Variants in ZNF609 observed in about 807,000 individuals in gnomAD.
The protein encoded by ZNF609 is zinc finger protein 609.
A neutral mutation model predicts 109.5 loss-of-function variants in ZNF609; 11 were observed. The observed-to-expected ratio is 0.10, with a 90% CI of 0.06 to 0.17. The LOEUF is 0.17. Ranked by LOEUF, ZNF609 falls within the 10% of genes least tolerant of loss-of-function variation. The pLI is 1.00. For missense variants in ZNF609, 1,559 were observed against 1,772.4 expected (o/e 0.88, Z 2.16); for synonymous variants, 646 against 662.0 (o/e 0.98, Z 0.37).
chr15:64,576,993 C>A lies in ZNF609; in HGVS notation c.748-45834C>A, dbSNP rs1384470007. Among the ~76,000 whole-genome samples, 4 of 129,642 alleles carry A rather than the reference C, an allele frequency of 3.1e-5. 1 individual carries two copies. Among genetic ancestry groups the A allele is most frequent in the Admixed American group, 2.4e-4 (3 of 12,294 alleles). 85.1% of individuals were successfully genotyped at this position (129,642 alleles called of 152,430 possible). ...ATAAATATATATATGTATGTATACA[C>A]ATAAATATATATATGTATGTATACA... On this transcript the variant is annotated intron_variant, in intron 2 of 9. Transcript: ENST00000326648.
chr15:64,528,667 T>A, intron 2 of ZNF609: 1 of 1,135,750 alleles, frequency 8.8e-7, no homozygotes, highest in Non-Finnish European at 1.3e-6. Context: ...TCCAGGGGTC[T>A]TACTCCTTGG....
intron 2 of ZNF609, among the ~76,000 whole-genome samples, chr15:64,615,686 C>T (rs1408255221): frequency 6.6e-6 from 1 of 151,798 alleles, no homozygotes; most frequent in African/African-American, 2.4e-5. Context: ...GGGGTTTTGC[C>T]GTGTTGGTCA....
Position 64,678,431 on chromosome 15 carries a change from A to T in ZNF609, c.3718A>T (p.Asn1240Tyr). Residue 1240 changes from asparagine (N) to tyrosine (Y), a missense_variant, in exon 6 of 10, where the codon AAC becomes TAC. Asn to Tyr is a moderately radical substitution (Grantham distance 143). Coordinates refer to ENST00000326648, the MANE Select transcript of ZNF609 (RefSeq NM_015042.2). ...GYSYSQSYDP[N>Y]HPSYRSMPAV... ...TTCCTACAGTCAGTCCTACGACCCC[A>T]ACCACCCCAGCTACCGGAGCATGCC... is the stretch of plus-strand genomic sequence containing the variant. 2 of 1,609,364 alleles carry T rather than the reference A, an allele frequency of 1.2e-6. No homozygotes were observed. The highest frequency in any genetic ancestry group is 1.7e-6 in the Non-Finnish European group (2 of 1,177,400).
rs559159546 is a variant in ZNF609, at chr15:64,565,904, A to G, written c.748-56923A>G. On this transcript the variant is annotated intron_variant, in intron 2 of 9. Transcript: ENST00000326648. The stretch of plus-strand genomic sequence containing the variant: ...CGTTCTGTCACCCAGGCTAGAGTGC[A>G]GTGATACAGTAATGGCTCACTGGAG... Among the ~76,000 whole-genome samples the G allele has an allele frequency of 2.2e-3, 338 of 152,234 alleles. 2 individuals carry two copies. The highest frequency in any genetic ancestry group is 7.7e-3 in the African/African-American group (320 of 41,556).
chr15:64,584,230 G>A (rs1284658506), intron 2 of ZNF609, among the ~76,000 whole-genome samples: 2 of 152,200 alleles, frequency 1.3e-5, no homozygotes, highest in Non-Finnish European at 2.9e-5. Flanking sequence ...GGCCGAGGCA[G>A]GTGGATTGTT....
intron 2 of ZNF609, among the ~76,000 whole-genome samples, chr15:64,541,291 G>T (rs1384382385): frequency 6.6e-6 from 1 of 150,432 alleles, no homozygotes; most frequent in Non-Finnish European, 1.5e-5. Flanking sequence ...GCCGGGCGTG[G>T]TGTCGGGCGC....
intron 2 of ZNF609, among the ~76,000 whole-genome samples, chr15:64,603,586 T>G (rs1324113270): frequency 6.6e-5 from 10 of 151,936 alleles, no homozygotes. Flanking sequence ...CCTTTCTTTA[T>G]CATGACAAGT....
chr15:64,614,803 C>T (rs7171813), intron 2 of ZNF609, among the ~76,000 whole-genome samples: 5,277 of 125,324 alleles, frequency 0.042, 434 homozygotes, highest in African/African-American at 0.15. Context: ...GTAAAGATAA[C>T]ATCTCGCTTT....
intron 2 of ZNF609, among the ~76,000 whole-genome samples, chr15:64,554,332 C>A (rs1026871426): frequency 6.6e-6 from 1 of 152,074 alleles, no homozygotes; most frequent in Non-Finnish European, 1.5e-5. Context: ...CAGATAAATA[C>A]ATATACTTTT....
chr15:64,527,592 T>C (rs1326831057), intron 2 of ZNF609, among the ~76,000 whole-genome samples: 2 of 152,200 alleles, frequency 1.3e-5, no homozygotes, highest in African/African-American at 4.8e-5. Context: ...CCTTGCTTAG[T>C]TGTCCCAAAT....
intron 1 of ZNF609, among the ~76,000 whole-genome samples, chr15:64,474,452 A>G (rs1278406849): frequency 3.3e-5 from 5 of 151,920 alleles, no homozygotes; most frequent in Admixed American, 3.3e-4. Flanking sequence ...ACCTCAGGTG[A>G]TCCGCCTGCC....
intron 2 of ZNF609, among the ~76,000 whole-genome samples, chr15:64,545,398 C>T (rs1013657767): frequency 3.9e-5 from 6 of 152,220 alleles, no homozygotes; most frequent in African/African-American, 1.4e-4. Context: ...GGGGTTTCAC[C>T]GTGTTGCCCA....
chr15:64,472,386 C>G (rs1038558879), intron 1 of ZNF609, among the ~76,000 whole-genome samples: 64 of 152,168 alleles, frequency 4.2e-4, no homozygotes, highest in African/African-American at 1.5e-3. Context: ...ATGCTGGTAC[C>G]TATAGTTTCT....
chr15:64,503,337 A>C (rs1270585375), intron 2 of ZNF609, among the ~76,000 whole-genome samples: 1 of 152,086 alleles, frequency 6.6e-6, no homozygotes, highest in Non-Finnish European at 1.5e-5. Context: ...AGCTGAAGAG[A>C]TGGGGGAGGG....
chr15:64,521,159 C>T (rs1452546985), intron 2 of ZNF609, among the ~76,000 whole-genome samples: 1 of 152,138 alleles, frequency 6.6e-6, no homozygotes. Context: ...AACCCACGTC[C>T]ATGTCTTAAG....
At chr15:64,469,705 T>C (rs1893067901) in intron 1 of ZNF609, among the ~76,000 whole-genome samples, 1 of 152,040 alleles carries the variant, frequency 6.6e-6, no homozygotes, top group African/African-American at 2.4e-5. Flanking sequence ...TCTAGTGTGC[T>C]TAAAACATAG....
intron 1 of ZNF609, among the ~76,000 whole-genome samples, chr15:64,463,338 G>A (rs1330052331): frequency 6.6e-6 from 1 of 151,786 alleles, no homozygotes; most frequent in Non-Finnish European, 1.5e-5. Context: ...GGTTGAGGCT[G>A]CAGTGAGCTG....
chr15:64,678,202 G>A lies in ZNF609; in HGVS notation c.3489G>A (p.Arg1163=). 6.2e-7 allele frequency: 1 copy of A among 1,614,130 alleles called. No homozygotes were observed. The change falls in exon 6 of 10, where the codon CGG becomes CGA. Residue 1163 remains arginine (R), a synonymous_variant. Coordinates refer to ENST00000326648, the MANE Select transcript of ZNF609 (RefSeq NM_015042.2). ...KSEDERWKEE[R]DRKLKEERSR... ...AGGATGAGCGGTGGAAGGAGGAGCGGGACCGCAAATTGAAGGAGGAAAGGA... is the reference window on the plus strand; with the variant it reads ...AGGATGAGCGGTGGAAGGAGGAGCGAGACCGCAAATTGAAGGAGGAAAGGA...
At chr15:64,546,157 T>G (rs1288485384) in intron 2 of ZNF609, among the ~76,000 whole-genome samples, 1 of 152,234 alleles carries the variant, frequency 6.6e-6, no homozygotes, top group Non-Finnish European at 1.5e-5. Context: ...CAAATCCTTG[T>G]CAGTACTTGA....
Sources: gnomAD v4.1 joint callset for allele counts (sites outside exome capture counted in the v4.1 genomes callset) on GRCh38, gnomAD v4.1.1 for gene constraint, MANE v1.5 for transcripts, NCBI Gene and HGNC (gene_info 2026-07-23, HGNC 2026-07-21) for gene names.